EXOC4: variants seen among roughly 807,000 people sequenced by gnomAD.
EXOC4 encodes the protein SEC8-like 1.
In EXOC4, 71 loss-of-function variants were observed where a neutral mutation model predicts 107.2. The ratio of observed to expected loss-of-function variants is 0.66; its 90% confidence interval spans 0.55 to 0.81. The LOEUF is 0.81. Among genes scored for constraint, EXOC4 ranks in the 30% least tolerant of loss-of-function variants. The pLI, the probability that EXOC4 is intolerant of heterozygous loss-of-function variation, is 0.00. For synonymous variants in EXOC4, 456 were observed against 441.2 expected (o/e 1.03, Z -0.42); for missense variants, 1,108 against 1,189.6 (o/e 0.93, Z 1.01).
rs574635551 is a variant in EXOC4, at chr7:133,988,417, T to C, written c.2207-9075T>C. 2.6e-5 allele frequency among the ~76,000 whole-genome samples: 4 copies of C among 152,358 alleles called. 1 individual carries two copies. Among genetic ancestry groups the C allele is most frequent in the Admixed American group, 2.6e-4 (4 of 15,302 alleles). ...CAATCTGTTATTATGTTCTTTGTCATATTGCATTGGTCAGTTTAATTAAAA... is the reference window on the plus strand; with the variant it reads ...CAATCTGTTATTATGTTCTTTGTCACATTGCATTGGTCAGTTTAATTAAAA... On this transcript the variant is annotated intron_variant, in intron 14 of 17. Coordinates refer to ENST00000253861, the MANE Select transcript of EXOC4 (RefSeq NM_021807.4).
At chr7:133,305,770 C>T in intron 3 of EXOC4, 107 bp from the exon 4 acceptor site, 1 of 842,446 alleles carries the variant, frequency 1.2e-6, no homozygotes, top group Non-Finnish European at 1.6e-6. Flanking sequence ...TGATAAAGTT[C>T]TCGTAAGCTC....
chr7:134,067,636 T>TACACACACACACAC (rs1491317350), downstream of EXOC4, among the ~76,000 whole-genome samples: 13 of 129,172 alleles, frequency 1.0e-4, no homozygotes, highest in South Asian at 1.9e-3. Flanking sequence ...TATATATATA[T>TACACACACACACAC]ATACACACAC....
chr7:133,406,896 A>G (rs1471325687), intron 7 of EXOC4, among the ~76,000 whole-genome samples: 2 of 152,308 alleles, frequency 1.3e-5, no homozygotes, highest in Admixed American at 6.5e-5. Flanking sequence ...TGCCACTGGT[A>G]TTGATGTCCT....
chr7:133,895,467 C>T, intron 11 of EXOC4, 132 bp from the exon 12 acceptor site: 1 of 933,224 alleles, frequency 1.1e-6, no homozygotes, highest in Non-Finnish European at 1.6e-6. Flanking sequence ...GTTTTGAGTT[C>T]ATATTTCAAA....
chr7:133,664,209 TTGCCCTTA>T (rs1442987054), intron 10 of EXOC4, among the ~76,000 whole-genome samples: 1 of 152,184 alleles, frequency 6.6e-6, no homozygotes, highest in Non-Finnish European at 1.5e-5. Context: ...TTTTTTTCTG[TTGCCCTTA>T]TTACCATGCA....
chr7:133,830,588 G>A (rs1797788602), intron 11 of EXOC4, among the ~76,000 whole-genome samples: 1 of 152,134 alleles, frequency 6.6e-6, no homozygotes, highest in Admixed American at 6.5e-5. Context: ...GCCAAGGAAA[G>A]GAGTATCAAA....
At chr7:133,978,962 G>A (rs1793907563) in intron 14 of EXOC4, among the ~76,000 whole-genome samples, 1 of 152,308 alleles carries the variant, frequency 6.6e-6, no homozygotes, top group Admixed American at 6.5e-5. Context: ...AAGCACAAGG[G>A]TATGTTCCCA....
intron 7 of EXOC4, 115 bp downstream of exon 7, chr7:133,375,117 G>A: frequency 1.2e-6 from 1 of 801,360 alleles, no homozygotes; most frequent in African/African-American, 1.7e-5. Context: ...TAAACAGGGT[G>A]AGAAAGTAAT....
intron 10 of EXOC4, among the ~76,000 whole-genome samples, chr7:133,778,021 TA>T (rs529158237): frequency 1.3e-3 from 203 of 152,256 alleles, no homozygotes; most frequent in African/African-American, 4.4e-3. Context: ...TTCCATTTTT[TA>T]AAAAAATGTC....
intron 14 of EXOC4, among the ~76,000 whole-genome samples, chr7:133,943,527 A>G (rs900741719): frequency 1.3e-5 from 2 of 152,182 alleles, no homozygotes; most frequent in African/African-American, 4.8e-5. Context: ...CTTACTTTTC[A>G]GTGAAATTCT....
chr7:133,372,659 C>T (rs1230621003), intron 6 of EXOC4, among the ~76,000 whole-genome samples: 1 of 152,102 alleles, frequency 6.6e-6, no homozygotes, highest in Non-Finnish European at 1.5e-5. Context: ...AACCAGATAA[C>T]AGCACCCCTA....
intron 7 of EXOC4, among the ~76,000 whole-genome samples, chr7:133,426,362 A>G (rs1010629154): frequency 1.3e-5 from 2 of 152,248 alleles, no homozygotes; most frequent in African/African-American, 4.8e-5. Context: ...TACAAATATA[A>G]AAGGAAGAGT....
intron 9 of EXOC4, among the ~76,000 whole-genome samples, chr7:133,484,997 T>C (rs1001142037): frequency 2.0e-5 from 3 of 150,678 alleles, no homozygotes; most frequent in Non-Finnish European, 4.4e-5. Flanking sequence ...GGAGAATCGC[T>C]TGAACCTGGA....
At chr7:133,377,178 C>T (rs1584866673) in intron 7 of EXOC4, among the ~76,000 whole-genome samples, 1 of 152,080 alleles carries the variant, frequency 6.6e-6, no homozygotes, top group East Asian at 1.9e-4. Flanking sequence ...ATGGTGAAAC[C>T]CTGTCTCTAC....
At chr7:133,296,173 A>G (rs958594779) in intron 3 of EXOC4, among the ~76,000 whole-genome samples, 4 of 152,312 alleles carry the variant, frequency 2.6e-5, no homozygotes, top group African/African-American at 7.2e-5. Context: ...GGTCTTTAAC[A>G]TGTGATAATG....
chr7:133,633,649 CGGAGG>C (rs1413533249), intron 10 of EXOC4, among the ~76,000 whole-genome samples: 6 of 152,024 alleles, frequency 3.9e-5, no homozygotes, highest in Admixed American at 3.9e-4. Context: ...AACCCGGAGG[CGGAGG>C]TTGCAGTGAG....
At chr7:133,966,014 G>A (rs923259937) in intron 14 of EXOC4, among the ~76,000 whole-genome samples, 1 of 152,122 alleles carries the variant, frequency 6.6e-6, no homozygotes, top group Non-Finnish European at 1.5e-5. Flanking sequence ...GCAGTGGTTT[G>A]TAGTTCTCTT....
intron 10 of EXOC4, among the ~76,000 whole-genome samples, chr7:133,730,104 T>C (rs1795295456): frequency 6.7e-6 from 1 of 149,890 alleles, no homozygotes; most frequent in Non-Finnish European, 1.5e-5. Flanking sequence ...TTTCCTGTTA[T>C]TCCAGCATTG....
At chr7:133,575,542 G>A (rs950574097) in intron 9 of EXOC4, among the ~76,000 whole-genome samples, 1 of 152,184 alleles carries the variant, frequency 6.6e-6, no homozygotes, top group Non-Finnish European at 1.5e-5. Flanking sequence ...TGCTATGATG[G>A]TAGGATAGGG....
Sources: allele counts gnomAD v4.1 joint callset (sites outside exome capture counted in the v4.1 genomes callset), GRCh38; gene constraint gnomAD v4.1.1; transcripts MANE v1.5; gene names NCBI Gene and HGNC (gene_info 2026-07-23, HGNC 2026-07-21).